DDHD1: variants seen among roughly 807,000 people sequenced by gnomAD.
DDHD1 encodes the protein phospholipase DDHD1.
Under a neutral mutation model 96.4 loss-of-function variants are expected in DDHD1, and 49 were observed. The ratio of observed to expected loss-of-function variants is 0.51; its 90% CI spans 0.40 to 0.64. DDHD1 has a LOEUF of 0.64. Ranked by LOEUF, DDHD1 falls within the 30% of genes least tolerant of loss-of-function variation. DDHD1 has a pLI of 0.00. For synonymous variants in DDHD1, 442 were observed against 446.5 expected (o/e 0.99, Z 0.13); for missense variants, 1,106 against 1,161.2 (o/e 0.95, Z 0.69).
At chr14:53,067,188 T>C (rs1884101792) in intron 6 of DDHD1, among the ~76,000 whole-genome samples, 1 of 150,886 alleles carries the variant, frequency 6.6e-6, no homozygotes, top group Non-Finnish European at 1.5e-5. Flanking sequence ...AGATGGGCTC[T>C]CCCTCTGTGG....
At chr14:53,086,699 G>C (rs1265938002) in intron 4 of DDHD1, among the ~76,000 whole-genome samples, 1 of 152,108 alleles carries the variant, frequency 6.6e-6, no homozygotes, top group African/African-American at 2.4e-5. Context: ...GCAAAAACAT[G>C]CCAAATTGTA....
chr14:53,130,876 C>A (rs1889816092), intron 1 of DDHD1, among the ~76,000 whole-genome samples: 1 of 152,206 alleles, frequency 6.6e-6, no homozygotes, highest in Non-Finnish European at 1.5e-5. Flanking sequence ...TCTGACGCTG[C>A]CTGATCTCCT....
intron 5 of DDHD1, among the ~76,000 whole-genome samples, chr14:53,072,959 C>A (rs1411595998): frequency 6.6e-6 from 1 of 151,850 alleles, no homozygotes; most frequent in African/African-American, 2.4e-5. Context: ...AAAGCGTCAC[C>A]CTTTTTTGTA....
At position 53,051,870 on chromosome 14, in the gene DDHD1, A is replaced by C; in HGVS notation, c.2495T>G (p.Val832Gly). Reference protein sequence around the residue: ...NLPQLLFPENVMQNKDNALVE... With the variant: ...NLPQLLFPENGMQNKDNALVE... ...GAGGGCATTATCTTTATTCTGCATT[A>C]CATTTTCCGGAAAAAGAAGTTGTGG... The change falls in exon 12 of 13, where the codon GTA becomes GGA. Residue 832 changes from valine to glycine, a missense_variant. Physicochemically the swap from Val to Gly is moderately radical, Grantham distance 109. Coordinates refer to ENST00000673822, the MANE Select transcript of DDHD1 (RefSeq NM_001160148.2). The C allele has an allele frequency of 1.3e-6, 2 of 1,599,900 alleles. No individual in the cohort carries two copies. Among genetic ancestry groups the C allele is most frequent in the Non-Finnish European group, 1.7e-6 (2 of 1,172,508 alleles).
intron 1 of DDHD1, among the ~76,000 whole-genome samples, chr14:53,124,444 G>A (rs190449687): frequency 6.6e-6 from 1 of 152,018 alleles, no homozygotes; most frequent in Non-Finnish European, 1.5e-5. Context: ...TAATTATTTA[G>A]CTTGGCTGCT....
intron 12 of DDHD1, among the ~76,000 whole-genome samples, chr14:53,049,873 T>C (rs1224340937): frequency 6.6e-6 from 1 of 152,142 alleles, no homozygotes; most frequent in African/African-American, 2.4e-5. Context: ...TTCTGGGGTG[T>C]CACATACATA....
At chr14:53,092,056 G>T in intron 3 of DDHD1, 124 bp from the exon 4 acceptor site, 2 of 899,028 alleles carry the variant, frequency 2.2e-6, no homozygotes, top group Non-Finnish European at 3.3e-6. Flanking sequence ...CTGTGGGGGA[G>T]GAAATAAAAA....
chr14:53,153,290 C>A lies in DDHD1; in HGVS notation c.-192G>T, dbSNP rs973219309. On this transcript the variant is annotated 5_prime_UTR_variant, in exon 1 of 13. Transcript: ENST00000673822. ...AGCCGCCGCAGCTGCGTTCTGCCGC[C>A]GGCCCCATTGTCACGCAGCCCGACG... 2.3e-6 allele frequency: 1 copy of A among 435,524 alleles called. No individual in the cohort carries two copies. The highest frequency in any genetic ancestry group is 3.8e-6 in the Non-Finnish European group (1 of 260,140). 27.0% of individuals were successfully genotyped at this position (435,524 alleles called of 1,614,324 possible).
rs80010368 is a variant in DDHD1 at position 53,079,820 on chromosome 14, C to T, written c.1290-5973G>A. Among the ~76,000 whole-genome samples, 574 of 152,192 alleles carry T rather than the reference C, an allele frequency of 3.8e-3. 3 individuals carry two copies. The highest frequency in any genetic ancestry group is 0.013 in the African/African-American group (554 of 41,516). ...TGATGAATATTTGAGTAGTTTCCTA[C>T]GTGATGCTGCAATCAAAAGCCTTGT... On this transcript the variant is annotated intron_variant, in intron 4 of 12. Transcript: ENST00000673822.
chr14:53,085,308 C>G (rs1301265941), intron 4 of DDHD1, among the ~76,000 whole-genome samples: 2 of 152,190 alleles, frequency 1.3e-5, no homozygotes, highest in Non-Finnish European at 2.9e-5. Flanking sequence ...TGAGAATGGA[C>G]AGATTGCCTC....
At chr14:53,140,906 T>C (rs1251292906) in intron 1 of DDHD1, among the ~76,000 whole-genome samples, 5 of 152,028 alleles carry the variant, frequency 3.3e-5, no homozygotes, top group Admixed American at 6.6e-5. Context: ...TCAAAAGGAA[T>C]CTAGAGTGGC....
At chr14:53,072,456 T>G (rs759501568) in intron 6 of DDHD1, 141 bp downstream of exon 6, 23 of 433,500 alleles carry the variant, frequency 5.3e-5, no homozygotes, top group Non-Finnish European at 6.5e-5. Context: ...ACTATCAAAT[T>G]TATTAAAAGT....
At chr14:53,061,447 A>C (rs564763654) in intron 7 of DDHD1, 31 of 358,648 alleles carry the variant, frequency 8.6e-5, no homozygotes, top group African/African-American at 5.5e-4. Context: ...TTGTAGTAAA[A>C]TGTGAGTCAT....
rs1478922363 is a variant in DDHD1 at position 53,054,606 on chromosome 14, G to A, written c.2269C>T (p.Leu757Phe). The change falls in exon 11 of 13, where the codon CTT (leucine) becomes TTT (phenylalanine). Residue 757 changes from leucine (L) to phenylalanine (F), a missense_variant. Physicochemically the swap from Leu to Phe is conservative, Grantham distance 22. Coordinates refer to ENST00000673822, the MANE Select transcript of DDHD1 (RefSeq NM_001160148.2). The part of the protein sequence containing the change: ...ILGAASIGKG[L>F]GGMLFSRFGR... Reference sequence around the variant, plus strand: ...AATCTTGAGAACAACATTCCTCCAAGTCCCTTTCCAATGCTAGCAGCCCCT... The same window carrying A: ...AATCTTGAGAACAACATTCCTCCAAATCCCTTTCCAATGCTAGCAGCCCCT... 2 of 1,613,796 alleles carry A rather than the reference G, an allele frequency of 1.2e-6. No homozygotes were observed. Among genetic ancestry groups the A allele is most frequent in the Non-Finnish European group, 1.7e-6 (2 of 1,179,886 alleles).
chr14:53,060,094 C>A lies in DDHD1; in HGVS notation c.1842+1032G>T, dbSNP rs554950637. On this transcript the variant is annotated intron_variant, in intron 8 of 12. Coordinates refer to ENST00000673822, the MANE Select transcript of DDHD1 (RefSeq NM_001160148.2). ...GTTTTAAAGAAATTTCTGCATCATT[C>A]CACATCTTAACCTGTGTGTTAAGTT... 3.3e-5 allele frequency among the ~76,000 whole-genome samples: 5 copies of A among 152,098 alleles called. No individual in the cohort carries two copies. In the East Asian group the frequency reaches 7.7e-4, roughly 24 times the overall value.
Position 53,054,494 on chromosome 14 carries a change from G to T in DDHD1, c.2381C>A (p.Thr794Asn), listed in dbSNP as rs150538665. 3.7e-6 allele frequency: 6 copies of T among 1,614,134 alleles called. No individual in the cohort carries two copies. The highest frequency in any genetic ancestry group is 5.1e-6 in the Non-Finnish European group (6 of 1,179,982). The change falls in exon 11 of 13, where the codon ACC becomes AAC. Residue 794 changes from threonine to asparagine, a missense_variant. By Grantham distance (65) the Thr-to-Asn change is moderately conservative (BLOSUM62 0). Coordinates refer to ENST00000673822, the MANE Select transcript of DDHD1 (RefSeq NM_001160148.2). The stretch of plus-strand genomic sequence containing the variant: ...TGGAAGGGTCTGTGTCCCTACGGTG[G>T]TAGCAGAAGGTGAGGCAACTGGCTT... ...EKKPVASPSATTVGTQTLPHS... is the reference protein window; with the variant it reads ...EKKPVASPSANTVGTQTLPHS...
At chr14:53,103,111 C>A in intron 2 of DDHD1, 2 of 1,510,852 alleles carry the variant, frequency 1.3e-6, no homozygotes, top group Non-Finnish European at 9.0e-7. Context: ...GAAGTTTACT[C>A]AAGATTTAGA....
intron 10 of DDHD1, 29 bp from the exon 11 acceptor site, chr14:53,054,658 CT>C (rs1176795583): frequency 6.2e-7 from 1 of 1,604,156 alleles, no homozygotes; most frequent in East Asian, 2.2e-5. Flanking sequence ...GGTAGTCATT[CT>C]GTTGAATCAC....
chr14:53,059,114 G>A (rs1566524244), intron 8 of DDHD1, among the ~76,000 whole-genome samples: 1 of 152,166 alleles, frequency 6.6e-6, no homozygotes, highest in Non-Finnish European at 1.5e-5. Context: ...CATATGCATT[G>A]GCCAGTAAAA....
Sources: allele counts gnomAD v4.1 joint callset (sites outside exome capture counted in the v4.1 genomes callset), GRCh38; gene constraint gnomAD v4.1.1; transcripts MANE v1.5; gene names NCBI Gene and HGNC (gene_info 2026-07-23, HGNC 2026-07-21).